CDH13: variants seen among roughly 807,000 people sequenced by gnomAD.
CDH13 encodes cadherin-13.
In CDH13, 24 loss-of-function variants were observed where a neutral mutation model predicts 63.8. The ratio of observed to expected loss-of-function variants is 0.38; its 90% CI spans 0.27 to 0.53. The LOEUF is 0.53. Among genes scored for constraint, CDH13 ranks in the 20% least tolerant of loss-of-function variants. The pLI, the probability that CDH13 is intolerant of heterozygous loss-of-function variation, is 0.85. For synonymous variants in CDH13, 503 were observed against 355.3 expected (o/e 1.42, Z -4.67); for missense variants, 1,049 against 903.1 (o/e 1.16, Z -2.07).
At chr16:83,090,539 A>T (rs1008738893) in intron 3 of CDH13, among the ~76,000 whole-genome samples, 1 of 147,260 alleles carries the variant, frequency 6.8e-6, no homozygotes, top group East Asian at 2.0e-4. Context: ...GCGTCATTGC[A>T]CTCCAGACTG....
intron 11 of CDH13, among the ~76,000 whole-genome samples, chr16:83,772,597 A>G (rs1313306792): frequency 1.3e-5 from 2 of 152,242 alleles, no homozygotes; most frequent in African/African-American, 4.8e-5. Flanking sequence ...TTGTGGATCA[A>G]TCATGGATTC....
intron 5 of CDH13, among the ~76,000 whole-genome samples, chr16:83,267,441 T>C (rs1275960950): frequency 1.3e-5 from 2 of 152,124 alleles, no homozygotes; most frequent in Non-Finnish European, 2.9e-5. Context: ...AGCTCTCCCT[T>C]TCTGTGTGTG....
chr16:83,221,784 A>G (rs922364921), intron 5 of CDH13, among the ~76,000 whole-genome samples: 1 of 152,058 alleles, frequency 6.6e-6, no homozygotes, highest in African/African-American at 2.4e-5. Context: ...GTCCAGTGGG[A>G]GATGCTCAGA....
At chr16:83,142,917 C>A (rs1346069947) in intron 4 of CDH13, among the ~76,000 whole-genome samples, 5 of 152,070 alleles carry the variant, frequency 3.3e-5, no homozygotes, top group South Asian at 2.1e-4. Context: ...CAGCCTGACC[C>A]ACATGAAGAA....
rs575004087 is a variant in CDH13 at position 83,601,409 on chromosome 16, GAA to G, written c.961-1041_961-1040del. 2.2e-3 allele frequency among the ~76,000 whole-genome samples: 333 copies of G among 152,282 alleles called. 1 individual carries two copies. The highest frequency in any genetic ancestry group is 7.7e-3 in the African/African-American group (321 of 41,554). ...CCAAATCTTTGTCAAATATTGAGAT[GAA>G]AAACACTTATGTGAAGAGAGAGAAT... On this transcript the variant is annotated intron_variant, in intron 7 of 13. Coordinates refer to ENST00000567109, the MANE Select transcript of CDH13 (RefSeq NM_001257.5).
chr16:83,777,780 C>T (rs751311988), intron 11 of CDH13, among the ~76,000 whole-genome samples: 6 of 152,122 alleles, frequency 3.9e-5, no homozygotes, highest in Non-Finnish European at 8.8e-5. Flanking sequence ...ACCTGATAGC[C>T]TAACTGCAAA....
intron 5 of CDH13, among the ~76,000 whole-genome samples, chr16:83,271,034 A>G (rs2088790725): frequency 6.6e-6 from 1 of 150,692 alleles, no homozygotes; most frequent in Non-Finnish European, 1.5e-5. Context: ...TGCTAAGTAT[A>G]CAGCCATGAA....
rs112361425 is a variant in CDH13, at chr16:83,115,841, T to A, written c.367-9544T>A. Reference sequence around the variant, plus strand: ...TTTTCACTATTTCTCCCTATCACTTTTTCTATTATGCAAAGCCAGGGTCCA... The same window carrying A: ...TTTTCACTATTTCTCCCTATCACTTATTCTATTATGCAAAGCCAGGGTCCA... On this transcript the variant is annotated intron_variant, in intron 3 of 13. Transcript: ENST00000567109. Among the ~76,000 whole-genome samples the A allele has an allele frequency of 4.6e-3, 695 of 152,352 alleles. 6 individuals carry two copies. The highest frequency in any genetic ancestry group is 0.016 in the African/African-American group (664 of 41,580).
chr16:83,288,330 T>G (rs1478581265), intron 5 of CDH13, among the ~76,000 whole-genome samples: 1 of 152,150 alleles, frequency 6.6e-6, no homozygotes, highest in Non-Finnish European at 1.5e-5. Flanking sequence ...ATGGTGTCTT[T>G]TAATAATGGA....
chr16:83,501,104 G>A (rs987727603), intron 7 of CDH13, among the ~76,000 whole-genome samples: 17 of 152,278 alleles, frequency 1.1e-4, no homozygotes, highest in African/African-American at 2.9e-4. Flanking sequence ...CTGGCTAAAC[G>A]TGATCATCAC....
intron 10 of CDH13, among the ~76,000 whole-genome samples, chr16:83,701,795 C>G (rs1214696836): frequency 6.6e-6 from 1 of 152,224 alleles, no homozygotes; most frequent in African/African-American, 2.4e-5. Flanking sequence ...CACATCAGCC[C>G]TTCTCTGTGC....
At chr16:83,708,530 T>C (rs1210144555) in intron 10 of CDH13, among the ~76,000 whole-genome samples, 2 of 152,210 alleles carry the variant, frequency 1.3e-5, no homozygotes, top group Admixed American at 1.3e-4. Flanking sequence ...CTTCTCTGAA[T>C]TCATAGCCTT....
chr16:83,472,219 G>C (rs545251458), intron 6 of CDH13, among the ~76,000 whole-genome samples: 190 of 152,298 alleles, frequency 1.2e-3, no homozygotes, highest in Non-Finnish European at 2.1e-3. Flanking sequence ...GCTGTTCAGT[G>C]GCAGAGCTGG....
At position 83,305,771 on chromosome 16, in the gene CDH13, G is replaced by A. The variant is rs75837476; in HGVS notation, c.637-39091G>A. ...GGATTAATACTACTTACCTTAGGAT[G>A]TTGGTGAACAGATATTATACTGTAA... On this transcript the variant is annotated intron_variant, in intron 5 of 13. Coordinates refer to ENST00000567109, the MANE Select transcript of CDH13 (RefSeq NM_001257.5). Among the ~76,000 whole-genome samples, 428 of 152,294 alleles carry A rather than the reference G, an allele frequency of 2.8e-3. 2 individuals carry two copies. The highest frequency in any genetic ancestry group is 9.7e-3 in the African/African-American group (403 of 41,544).
chr16:82,640,523 A>T (rs1044103497), intron 1 of CDH13, among the ~76,000 whole-genome samples: 3 of 152,180 alleles, frequency 2.0e-5, no homozygotes, highest in Non-Finnish European at 2.9e-5. Context: ...GCCACAGCCG[A>T]TATGTAAATG....
chr16:83,644,545 C>G (rs566986523), intron 8 of CDH13, among the ~76,000 whole-genome samples: 99 of 152,210 alleles, frequency 6.5e-4, no homozygotes, highest in Admixed American at 1.0e-3. Context: ...AGCTCTTTTT[C>G]TAATATGATT....
intron 10 of CDH13, among the ~76,000 whole-genome samples, chr16:83,743,846 T>A (rs1262567551): frequency 2.0e-5 from 3 of 146,552 alleles, no homozygotes; most frequent in African/African-American, 7.5e-5. Context: ...ACCGTCTGCG[T>A]CCAGGCACTC....
intron 2 of CDH13, among the ~76,000 whole-genome samples, chr16:82,957,455 A>T (rs1470176312): frequency 1.3e-5 from 2 of 152,224 alleles, no homozygotes; most frequent in Non-Finnish European, 2.9e-5. Context: ...TGGAAGTTCA[A>T]GATAGATAAA....
chr16:83,612,310 A>G (rs1295608276), intron 8 of CDH13, among the ~76,000 whole-genome samples: 4 of 152,008 alleles, frequency 2.6e-5, no homozygotes, highest in Non-Finnish European at 5.9e-5. Flanking sequence ...CTCATCTCGT[A>G]TTAGAATAAT....
Sources: allele counts gnomAD v4.1 joint callset (sites outside exome capture counted in the v4.1 genomes callset), GRCh38; gene constraint gnomAD v4.1.1; transcripts MANE v1.5; gene names NCBI Gene and HGNC (gene_info 2026-07-23, HGNC 2026-07-21).